The following SSH2 variants were observed in gnomAD, a reference collection of about 807,000 sequenced individuals.
The protein encoded by SSH2 is slingshot protein phosphatase 2, also known as protein phosphatase Slingshot homolog 2.
SSH2 carries 37 observed loss-of-function variants against 135.2 expected under a neutral mutation model. The ratio of observed to expected loss-of-function variants is 0.27; its 90% confidence interval spans 0.21 to 0.36. The LOEUF is 0.36. Among genes scored for constraint, SSH2 ranks in the 10% least tolerant of loss-of-function variants. The probability of loss-of-function intolerance (pLI) is 1.00; values close to 1 mark genes in which losing one functional copy is unlikely to be tolerated. For synonymous variants in SSH2, 628 were observed against 646.2 expected (o/e 0.97, Z 0.43); for missense variants, 1,408 against 1,765.3 (o/e 0.80, Z 3.63).
chr17:29,752,654 T>A (rs545834072), intron 3 of SSH2, among the ~76,000 whole-genome samples: 12 of 152,102 alleles, frequency 7.9e-5, no homozygotes, highest in African/African-American at 2.9e-4. Flanking sequence ...CTTGAAATCA[T>A]AAGATAAAAT....
chr17:29,665,362 T>C (rs77586132), intron 11 of SSH2, among the ~76,000 whole-genome samples: 2,165 of 152,252 alleles, frequency 0.014, 48 homozygotes, highest in African/African-American at 0.047. Context: ...ATTTCATAGC[T>C]AATATACCAC....
intron 2 of SSH2, among the ~76,000 whole-genome samples, chr17:29,828,834 G>A (rs2042789415): frequency 6.6e-6 from 1 of 152,168 alleles, no homozygotes; most frequent in South Asian, 2.1e-4. Context: ...ACATTTCCAA[G>A]CAACTAACTA....
intron 5 of SSH2, among the ~76,000 whole-genome samples, chr17:29,690,142 G>A (rs1030215916): frequency 3.3e-5 from 5 of 151,644 alleles, no homozygotes; most frequent in African/African-American, 9.7e-5. Context: ...AGTGGCTCAC[G>A]CCTATAATCC....
intron 3 of SSH2, among the ~76,000 whole-genome samples, chr17:29,726,273 T>G (rs980773340): frequency 2.0e-5 from 3 of 152,170 alleles, no homozygotes; most frequent in Admixed American, 6.5e-5. Context: ...GGGAGCAGCA[T>G]GTGCAAAGGC....
intron 1 of SSH2, among the ~76,000 whole-genome samples, chr17:29,868,331 C>T (rs1244462375): frequency 6.6e-6 from 1 of 152,112 alleles, no homozygotes; most frequent in Non-Finnish European, 1.5e-5. Flanking sequence ...CACATTTTGT[C>T]CTAGTCTGCC....
At chr17:29,820,531 T>C (rs562705911) in intron 2 of SSH2, among the ~76,000 whole-genome samples, 2 of 152,220 alleles carry the variant, frequency 1.3e-5, no homozygotes, top group East Asian at 3.9e-4. Flanking sequence ...CAACTACAAA[T>C]AGGAAATACA....
intron 3 of SSH2, among the ~76,000 whole-genome samples, chr17:29,769,825 G>A (rs886869968): frequency 6.6e-6 from 1 of 152,110 alleles, no homozygotes; most frequent in South Asian, 2.1e-4. Context: ...TTGAATACCT[G>A]TATGCCAGGC....
At chr17:29,818,286 T>C (rs1415204872) in intron 2 of SSH2, among the ~76,000 whole-genome samples, 3 of 151,582 alleles carry the variant, frequency 2.0e-5, no homozygotes, top group African/African-American at 7.3e-5. Flanking sequence ...TCTTGCCTTG[T>C]CGCCCAGGCT....
intron 1 of SSH2, chr17:29,928,286 T>C (rs1196436175): frequency 2.8e-6 from 1 of 355,476 alleles, no homozygotes; most frequent in East Asian, 4.1e-5. Flanking sequence ...TAAGAATAAA[T>C]TATATTAAAG....
intron 1 of SSH2, among the ~76,000 whole-genome samples, chr17:29,870,280 A>T (rs1223557532): frequency 3.3e-5 from 1 of 30,078 alleles, no homozygotes; most frequent in African/African-American, 1.5e-4. Context: ...AGAATAGGTA[A>T]AAAAAAAAAA....
chr17:29,845,509 C>T (rs776372372), intron 2 of SSH2, among the ~76,000 whole-genome samples: 5 of 152,120 alleles, frequency 3.3e-5, no homozygotes, highest in Non-Finnish European at 4.4e-5. Flanking sequence ...GAGGAAAAGA[C>T]GACAACAAAT....
intron 5 of SSH2, among the ~76,000 whole-genome samples, chr17:29,685,583 C>G (rs2038176880): frequency 6.6e-6 from 1 of 151,938 alleles, no homozygotes; most frequent in African/African-American, 2.4e-5. Context: ...GTCAGGAGTT[C>G]AAGACCAGCC....
At chr17:29,696,556 G>A (rs1050384764) in intron 4 of SSH2, among the ~76,000 whole-genome samples, 8 of 144,960 alleles carry the variant, frequency 5.5e-5, no homozygotes, top group Non-Finnish European at 1.1e-4. Flanking sequence ...CCAAGATTGC[G>A]CTACTGCACT....
chr17:29,899,186 A>C (rs2151456535), intron 1 of SSH2, among the ~76,000 whole-genome samples: 1 of 151,656 alleles, frequency 6.6e-6, no homozygotes, highest in Admixed American at 6.6e-5. Flanking sequence ...TGAATGGGCA[A>C]AAACTGGAAG....
At chr17:29,912,861 G>A (rs2066790303) in intron 1 of SSH2, among the ~76,000 whole-genome samples, 1 of 152,138 alleles carries the variant, frequency 6.6e-6, no homozygotes, top group Non-Finnish European at 1.5e-5. Context: ...AGCCTCTGAA[G>A]ACAGAGCTCA....
At chr17:29,640,198 C>T (rs1260458616) in intron 14 of SSH2, among the ~76,000 whole-genome samples, 1 of 152,060 alleles carries the variant, frequency 6.6e-6, no homozygotes, top group East Asian at 1.9e-4. Context: ...CCTGCCTCAG[C>T]CTCCTGAGTA....
intron 3 of SSH2, among the ~76,000 whole-genome samples, chr17:29,719,487 C>T (rs957611173): frequency 1.1e-4 from 16 of 150,126 alleles, no homozygotes; most frequent in African/African-American, 3.4e-4. Flanking sequence ...AGCCTAACAG[C>T]CTAACTGACA....
At chr17:29,829,667 C>T (rs1311309682) in intron 2 of SSH2, among the ~76,000 whole-genome samples, 2 of 152,024 alleles carry the variant, frequency 1.3e-5, no homozygotes, top group Non-Finnish European at 2.9e-5. Context: ...GTACAGAGTA[C>T]CTCCTATGTG....
intron 1 of SSH2, among the ~76,000 whole-genome samples, chr17:29,861,210 G>A (rs1039487145): frequency 6.6e-6 from 1 of 152,006 alleles, no homozygotes; most frequent in African/African-American, 2.4e-5. Context: ...CTTTTGCTGT[G>A]CAGAAGCTCT....
Sources: gnomAD v4.1 joint callset for allele counts (sites outside exome capture counted in the v4.1 genomes callset) on GRCh38, gnomAD v4.1.1 for gene constraint, MANE v1.5 for transcripts, NCBI Gene and HGNC (gene_info 2026-07-23, HGNC 2026-07-21) for gene names.